Variants in ZNF385B observed in about 807,000 individuals in gnomAD.
ZNF385B encodes zinc finger protein 385B, also known as zinc finger protein 533.
In ZNF385B, 23 loss-of-function variants were observed where a neutral mutation model predicts 39.2. That is an observed-to-expected ratio of 0.59 (90% CI 0.42 to 0.83). The LOEUF (loss-of-function observed/expected upper bound fraction) is 0.83, where lower values mean the gene tolerates loss of function less well. Ranked by LOEUF, ZNF385B falls within the 40% of genes least tolerant of loss-of-function variation. The probability of loss-of-function intolerance (pLI) is 0.00; values close to 1 mark genes in which losing one functional copy is unlikely to be tolerated. For missense variants in ZNF385B, 552 were observed against 598.9 expected (o/e 0.92, Z 0.82); for synonymous variants, 205 against 222.6 (o/e 0.92, Z 0.70).
chr2:179,734,314 G>A (rs1701599366), intron 3 of ZNF385B, among the ~76,000 whole-genome samples: 1 of 151,992 alleles, frequency 6.6e-6, no homozygotes, highest in Non-Finnish European at 1.5e-5. Context: ...GAAATTGCTG[G>A]GTCAAAAGAG....
At position 179,708,614 on chromosome 2, in the gene ZNF385B, C is replaced by T. The variant is rs115593695; in HGVS notation, c.298+60889G>A. On this transcript the variant is annotated intron_variant, in intron 3 of 9. Transcript: ENST00000410066. Reference sequence around the variant, plus strand: ...TATACATGGCTCTCATCTTGGAATACCTCTTGGAAATTGATAACTTATCAA... The same window carrying T: ...TATACATGGCTCTCATCTTGGAATATCTCTTGGAAATTGATAACTTATCAA... Among the ~76,000 whole-genome samples, 904 of 152,248 alleles carry T rather than the reference C, an allele frequency of 5.9e-3. 15 individuals carry two copies. The highest frequency in any genetic ancestry group is 8.7e-3 in the South Asian group (42 of 4,820).
intron 3 of ZNF385B, among the ~76,000 whole-genome samples, chr2:179,608,842 CTGTGTGTGTGTGTGTGTGTGTGTGTGTG>C (rs60633100): frequency 8.2e-5 from 11 of 134,620 alleles, no homozygotes; most frequent in East Asian, 6.9e-4. Context: ...AGGGCCAAGA[CTGTGTGTGTGTGTGTGTGTGTGTGTGTG>C]TGTGTGTGTG....
chr2:179,856,341 C>T (rs1684591793), intron 1 of ZNF385B, among the ~76,000 whole-genome samples: 1 of 152,068 alleles, frequency 6.6e-6, no homozygotes, highest in African/African-American at 2.4e-5. Flanking sequence ...CTCCCCTCAA[C>T]CTGCTCCTCC....
intron 5 of ZNF385B, among the ~76,000 whole-genome samples, chr2:179,485,673 A>G (rs1252742362): frequency 1.3e-5 from 2 of 152,108 alleles, no homozygotes; most frequent in African/African-American, 4.8e-5. Context: ...ATATCTATAT[A>G]TTTGCTCTCC....
intron 3 of ZNF385B, among the ~76,000 whole-genome samples, chr2:179,691,514 C>T (rs1162375884): frequency 6.6e-6 from 1 of 152,146 alleles, no homozygotes; most frequent in Non-Finnish European, 1.5e-5. Flanking sequence ...TGGAGAAACT[C>T]CGAGGAACAA....
intron 3 of ZNF385B, among the ~76,000 whole-genome samples, chr2:179,706,599 G>A (rs1196252289): frequency 2.6e-5 from 4 of 152,122 alleles, no homozygotes; most frequent in Non-Finnish European, 5.9e-5. Flanking sequence ...TGTCCTTGAT[G>A]GTTGGTTCCC....
intron 3 of ZNF385B, among the ~76,000 whole-genome samples, chr2:179,567,847 T>A (rs1684774925): frequency 6.6e-6 from 1 of 152,188 alleles, no homozygotes; most frequent in Admixed American, 6.5e-5. Flanking sequence ...CATGTCACTG[T>A]CACATACTAG....
At chr2:179,445,831 T>A (rs1279283431) in intron 7 of ZNF385B, 103 bp from the exon 8 acceptor site, 1 of 1,153,542 alleles carries the variant, frequency 8.7e-7, no homozygotes, top group Non-Finnish European at 1.2e-6. Flanking sequence ...AAATTCCCAA[T>A]GCTTTTTTAA....
chr2:179,686,184 C>T (rs969705628), intron 3 of ZNF385B, among the ~76,000 whole-genome samples: 1 of 152,194 alleles, frequency 6.6e-6, no homozygotes, highest in African/African-American at 2.4e-5. Context: ...ATCAGTTGTT[C>T]ATGTTGCTGT....
At chr2:179,847,945 G>A (rs1343732382) in intron 1 of ZNF385B, among the ~76,000 whole-genome samples, 1 of 152,124 alleles carries the variant, frequency 6.6e-6, no homozygotes, top group Non-Finnish European at 1.5e-5. Flanking sequence ...TAACTGCTTG[G>A]CATATGATCA....
At chr2:179,684,484 A>G (rs754923139) in intron 3 of ZNF385B, among the ~76,000 whole-genome samples, 7 of 152,246 alleles carry the variant, frequency 4.6e-5, no homozygotes, top group Non-Finnish European at 8.8e-5. Context: ...TGCTACCATT[A>G]TGTGGTTTAA....
chr2:179,486,696 C>T (rs1255997983), intron 5 of ZNF385B, among the ~76,000 whole-genome samples: 1 of 152,150 alleles, frequency 6.6e-6, no homozygotes, highest in Non-Finnish European at 1.5e-5. Flanking sequence ...AGGAGTATCG[C>T]CTGAGCTTGG....
intron 3 of ZNF385B, among the ~76,000 whole-genome samples, chr2:179,677,077 T>C (rs1220651052): frequency 2.0e-5 from 3 of 152,300 alleles, no homozygotes; most frequent in African/African-American, 7.2e-5. Flanking sequence ...GAAATACATA[T>C]GTATAGCTAT....
chr2:179,826,831 TA>T (rs1707708781), intron 1 of ZNF385B, among the ~76,000 whole-genome samples: 1 of 152,200 alleles, frequency 6.6e-6, no homozygotes, highest in East Asian at 1.9e-4. Flanking sequence ...AATTTGAAGC[TA>T]AAAATTTATA....
intron 3 of ZNF385B, among the ~76,000 whole-genome samples, chr2:179,560,120 T>C (rs907393944): frequency 6.6e-6 from 1 of 152,154 alleles, no homozygotes; most frequent in African/African-American, 2.4e-5. Context: ...TGAATAATAT[T>C]CTTTATATGG....
chr2:179,514,544 A>G (rs1298948649), intron 5 of ZNF385B, among the ~76,000 whole-genome samples: 1 of 152,216 alleles, frequency 6.6e-6, no homozygotes, highest in Non-Finnish European at 1.5e-5. Flanking sequence ...ATAGAAAAAA[A>G]TTCTTCAGCA....
chr2:179,685,154 C>A (rs1235230916), intron 3 of ZNF385B, among the ~76,000 whole-genome samples: 1 of 152,110 alleles, frequency 6.6e-6, no homozygotes, highest in East Asian at 1.9e-4. Context: ...GAGTTTCTGG[C>A]CTTGCTTAAT....
chr2:179,728,555 A>C (rs899366181), intron 3 of ZNF385B, among the ~76,000 whole-genome samples: 1 of 152,154 alleles, frequency 6.6e-6, no homozygotes, highest in Non-Finnish European at 1.5e-5. Flanking sequence ...ACATTTGTGG[A>C]TCTTGGGTCT....
At chr2:179,836,064 C>A (rs939494469) in intron 1 of ZNF385B, among the ~76,000 whole-genome samples, 2 of 152,086 alleles carry the variant, frequency 1.3e-5, no homozygotes, top group Non-Finnish European at 2.9e-5. Flanking sequence ...CATGGATGAA[C>A]CTTGAGGATA....
Sources: gnomAD v4.1 joint callset for allele counts (sites outside exome capture counted in the v4.1 genomes callset) on GRCh38, gnomAD v4.1.1 for gene constraint, MANE v1.5 for transcripts, NCBI Gene and HGNC (gene_info 2026-07-23, HGNC 2026-07-21) for gene names.